IFI16: variants seen among roughly 807,000 people sequenced by gnomAD.
IFI16 encodes the protein interferon gamma inducible protein 16.
IFI16 carries 49 observed loss-of-function variants against 68.4 expected under a neutral mutation model. That is an observed-to-expected ratio of 0.72 (90% confidence interval 0.57 to 0.91). The LOEUF is 0.91. Among genes scored for constraint, IFI16 ranks in the 40% least tolerant of loss-of-function variants. The pLI is 0.00. For synonymous variants in IFI16, 307 were observed against 315.0 expected (o/e 0.97, Z 0.27); for missense variants, 878 against 942.9 (o/e 0.93, Z 0.90).
At chr1:159,029,709 T>C (rs956076220) in intron 6 of IFI16, among the ~76,000 whole-genome samples, 1 of 149,974 alleles carries the variant, frequency 6.7e-6, no homozygotes, top group African/African-American at 2.4e-5. Context: ...AGACACACTT[T>C]AGCTCTTGTT....
chr1:159,019,116 G>A (rs1175285947), intron 5 of IFI16, among the ~76,000 whole-genome samples: 2 of 152,084 alleles, frequency 1.3e-5, no homozygotes, highest in African/African-American at 4.8e-5. Flanking sequence ...CTCATGGCTG[G>A]AAAACAAATG....
chr1:159,014,194 T>C (rs773640184), intron 1 of IFI16, among the ~76,000 whole-genome samples: 69 of 152,264 alleles, frequency 4.5e-4, no homozygotes, highest in Non-Finnish European at 7.9e-4. Flanking sequence ...TGCCACAGCA[T>C]GAAACTGTAG....
intron 4 of IFI16, among the ~76,000 whole-genome samples, chr1:159,017,001 T>C (rs988453910): frequency 6.6e-6 from 1 of 152,194 alleles, no homozygotes; most frequent in Non-Finnish European, 1.5e-5. Context: ...ACCTCTTCCC[T>C]TGGTTCACTA....
chr1:159,045,591 T>G, intron 8 of IFI16, 127 bp downstream of exon 8: 1 of 891,388 alleles, frequency 1.1e-6, no homozygotes, highest in South Asian at 1.7e-5. Context: ...AATCAGTCAT[T>G]TATTTATCAA....
At chr1:159,004,869 A>G (rs928306047), upstream of IFI16, among the ~76,000 whole-genome samples, 1 of 152,236 alleles carries the variant, frequency 6.6e-6, no homozygotes, top group African/African-American at 2.4e-5. Context: ...AGATCCTCAA[A>G]GAATGCTTTC....
chr1:159,041,482 A>T (rs951586307), intron 7 of IFI16, among the ~76,000 whole-genome samples: 7 of 152,194 alleles, frequency 4.6e-5, no homozygotes, highest in African/African-American at 9.6e-5. Flanking sequence ...CTAGAGCCTG[A>T]AGAGCAGATA....
upstream of IFI16, among the ~76,000 whole-genome samples, chr1:159,003,120 T>A (rs574306495): frequency 1.6e-4 from 25 of 152,278 alleles, no homozygotes; most frequent in East Asian, 4.6e-3. Context: ...CCATCTCTGG[T>A]GGGAGTAATC....
At chr1:159,047,100 C>A (rs559309931) in intron 8 of IFI16, among the ~76,000 whole-genome samples, 1 of 150,046 alleles carries the variant, frequency 6.7e-6, no homozygotes, top group Non-Finnish European at 1.5e-5. Context: ...TACTGACCCA[C>A]GGCAACTTGA....
intron 5 of IFI16, among the ~76,000 whole-genome samples, chr1:159,019,758 C>CT (rs1653183570): frequency 6.6e-6 from 1 of 152,070 alleles, no homozygotes; most frequent in Non-Finnish European, 1.5e-5. Flanking sequence ...TGCGCATGGC[C>CT]TATATACACA....
upstream of IFI16, among the ~76,000 whole-genome samples, chr1:159,007,983 T>C (rs1652321807): frequency 6.6e-6 from 1 of 152,134 alleles, no homozygotes; most frequent in Non-Finnish European, 1.5e-5. Flanking sequence ...CTTAGCAAGG[T>C]AAAGACATTT....
At chr1:159,036,711 A>G (rs932133515) in intron 7 of IFI16, among the ~76,000 whole-genome samples, 4 of 152,190 alleles carry the variant, frequency 2.6e-5, no homozygotes, top group African/African-American at 9.6e-5. Flanking sequence ...TATGTTTTAC[A>G]TTGCCACGTT....
intron 11 of IFI16, among the ~76,000 whole-genome samples, chr1:159,054,218 A>G (rs553792015): frequency 3.9e-5 from 6 of 152,374 alleles, no homozygotes; most frequent in African/African-American, 1.4e-4. Context: ...TTAGTGAGAT[A>G]CATACACTGG....
intron 4 of IFI16, among the ~76,000 whole-genome samples, chr1:159,017,450 C>T (rs1031138931): frequency 2.6e-5 from 4 of 151,604 alleles, no homozygotes; most frequent in Non-Finnish European, 5.9e-5. Context: ...TGGTGGGCAC[C>T]ATTTTTCATT....
chr1:159,045,276 C>T lies in IFI16; in HGVS notation c.1330-21C>T, dbSNP rs1366313035. ...AAAAACATTAACTAGAAAAAAAGAA[C>T]AAACATCTATTTTCCTTTAGAAAAG... is the stretch of plus-strand genomic sequence containing the variant. On this transcript the variant is annotated intron_variant, in intron 7 of 11. Transcript: ENST00000295809. 4 of 1,137,456 alleles carry T rather than the reference C, an allele frequency of 3.5e-6. No individual in the cohort carries two copies. The Admixed American group carries it at 1.0e-4, about 29-fold the overall frequency. 70.5% of individuals were successfully genotyped at this position (1,137,456 alleles called of 1,614,324 possible).
At chr1:159,044,613 T>C (rs993733764) in intron 7 of IFI16, among the ~76,000 whole-genome samples, 1 of 152,166 alleles carries the variant, frequency 6.6e-6, no homozygotes, top group African/African-American at 2.4e-5. Context: ...TTCCATTGGT[T>C]TAATTAAAAG....
upstream of IFI16, among the ~76,000 whole-genome samples, chr1:159,003,116 C>T (rs2101771922): frequency 6.6e-6 from 1 of 152,284 alleles, no homozygotes; most frequent in East Asian, 1.9e-4. Context: ...ACTTCCATCT[C>T]TGGTGGGAGT....
chr1:159,032,924 A>G (rs1156410781), intron 7 of IFI16, among the ~76,000 whole-genome samples: 1 of 152,078 alleles, frequency 6.6e-6, no homozygotes, highest in African/African-American at 2.4e-5. Context: ...TAAGAGGATT[A>G]CTATCTTGTA....
At chr1:159,030,882 G>GGGC (rs773700136) in intron 6 of IFI16, among the ~76,000 whole-genome samples, 3 of 145,150 alleles carry the variant, frequency 2.1e-5, no homozygotes, top group African/African-American at 7.7e-5. Flanking sequence ...TGGGTGGGGG[G>GGGC]GCCACAGAGC....
intron 6 of IFI16, among the ~76,000 whole-genome samples, chr1:159,020,846 CGTGT>C (rs56977166): frequency 1.5e-3 from 218 of 148,890 alleles, no homozygotes; most frequent in African/African-American, 4.4e-3. Flanking sequence ...TAGAAAACGT[CGTGT>C]GTGTGTGTGT....
Sources: gnomAD v4.1 joint callset for allele counts (sites outside exome capture counted in the v4.1 genomes callset) on GRCh38, gnomAD v4.1.1 for gene constraint, MANE v1.5 for transcripts, NCBI Gene and HGNC (gene_info 2026-07-23, HGNC 2026-07-21) for gene names.